PON1: variants seen among roughly 807,000 people sequenced by gnomAD.
PON1 encodes the protein paraoxonase 1.
PON1 carries 37 observed loss-of-function variants against 39.2 expected under a neutral mutation model. The ratio of observed to expected loss-of-function variants is 0.94; its 90% CI spans 0.73 to 1.24. The LOEUF (loss-of-function observed/expected upper bound fraction) is 1.24. PON1 is among the 50% of genes most tolerant of loss of function. The pLI, the probability that PON1 is intolerant of heterozygous loss-of-function variation, is 0.00. For synonymous variants in PON1, 148 were observed against 152.2 expected (o/e 0.97, Z 0.21); for missense variants, 397 against 413.5 (o/e 0.96, Z 0.35).
chr7:95,300,063 G>A (rs1807387768), intron 8 of PON1, among the ~76,000 whole-genome samples: 2 of 152,124 alleles, frequency 1.3e-5, no homozygotes, highest in African/African-American at 4.8e-5. Flanking sequence ...GTCTCTAAAT[G>A]TATAAGATTT....
intron 8 of PON1, among the ~76,000 whole-genome samples, chr7:95,299,969 T>G (rs1283037103): frequency 6.6e-6 from 1 of 152,142 alleles, no homozygotes; most frequent in Non-Finnish European, 1.5e-5. Flanking sequence ...TTCCTGGTTT[T>G]TAAAATGCAG....
At chr7:95,319,510 G>A (rs561474923) in intron 1 of PON1, among the ~76,000 whole-genome samples, 1 of 152,228 alleles carries the variant, frequency 6.6e-6, no homozygotes, top group South Asian at 2.1e-4. Flanking sequence ...TTGTCCCAAC[G>A]TATAACCAGA....
chr7:95,306,177 G>T, intron 7 of PON1, 108 bp downstream of exon 7: 1 of 927,022 alleles, frequency 1.1e-6, no homozygotes. Context: ...TGAAAAATTG[G>T]TTCTCACCCA....
In PON1 at chr7:95,305,131, A is replaced by C. The variant is rs546026671; in HGVS notation, c.780+1154T>G. The stretch of plus-strand genomic sequence containing the variant: ...GTTACATTTGATGTTGCTTTAAGGT[A>C]ATTTTCTCTGAGTGAGGCCCCTCAT... On this transcript the variant is annotated intron_variant, in intron 7 of 8. Transcript: ENST00000222381. 7.2e-5 allele frequency among the ~76,000 whole-genome samples: 11 copies of C among 152,268 alleles called. No individual in the cohort carries two copies. The South Asian group carries it at 2.3e-3, about 32-fold the overall frequency.
chr7:95,312,269 C>A (rs1413483793), intron 4 of PON1, among the ~76,000 whole-genome samples: 1 of 152,210 alleles, frequency 6.6e-6, no homozygotes, highest in African/African-American at 2.4e-5. Flanking sequence ...TCTCGGCTCA[C>A]TGCAACCTCC....
chr7:95,307,791 T>C (rs1401745736), intron 6 of PON1, among the ~76,000 whole-genome samples: 1 of 152,198 alleles, frequency 6.6e-6, no homozygotes, highest in African/African-American at 2.4e-5. Flanking sequence ...AAAATGTACT[T>C]TCTTTCCAAA....
chr7:95,324,428 G>C lies in PON1; in HGVS notation c.48C>G (p.Leu16=). Residue 16 remains leucine, a synonymous_variant, in exon 1 of 9, where the codon CTC becomes CTG. Transcript: ENST00000222381. The stretch of plus-strand genomic sequence containing the variant: ...GGTAAGAAGACTGGTGGTTCCTGAA[G>C]AGTGCCAGTCCCATCCCCAAGAGGG... ...ALTLLGMGLA[L]FRNHQSSYQT... 6.2e-7 allele frequency: 1 copy of C among 1,614,192 alleles called. No homozygotes were observed. Among genetic ancestry groups the C allele is most frequent in the East Asian group, 2.2e-5 (1 of 44,866 alleles).
chr7:95,311,484 T>C lies in PON1; in HGVS notation c.464A>G (p.His155Arg), dbSNP rs781071878. The C allele has an allele frequency of 8.2e-5, 132 of 1,614,042 alleles. No individual in the cohort carries two copies. The Admixed American group carries it at 2.1e-3, about 26-fold the overall frequency. ...KFQEEEKSLL[H>R]LKTIRHKLLP... ...AAGTTTATGTCTGATGGTTTTTAGA[T>C]GCAAAAGCGATTTTTCTTCTTCTTG... Residue 155 changes from histidine to arginine, a missense_variant, in exon 5 of 9, where the codon CAT becomes CGT. Transcript: ENST00000222381.
chr7:95,320,137 A>G (rs1807862748), intron 1 of PON1, among the ~76,000 whole-genome samples: 1 of 152,184 alleles, frequency 6.6e-6, no homozygotes, highest in African/African-American at 2.4e-5. Flanking sequence ...AGGACATAAA[A>G]TCACTGAATG....
chr7:95,303,067 C>T (rs1807467914), intron 7 of PON1, among the ~76,000 whole-genome samples: 1 of 152,168 alleles, frequency 6.6e-6, no homozygotes, highest in African/African-American at 2.4e-5. Flanking sequence ...ACCTCTAATT[C>T]TCAGTTGGAG....
intron 5 of PON1, among the ~76,000 whole-genome samples, chr7:95,308,560 T>C (rs1339454135): frequency 6.6e-6 from 1 of 151,890 alleles, no homozygotes; most frequent in Non-Finnish European, 1.5e-5. Flanking sequence ...AGAAATTAAA[T>C]TAAGCCAGAA....
At chr7:95,311,677 G>C in intron 4 of PON1, 100 bp from the exon 5 acceptor site, 2 of 1,235,970 alleles carry the variant, frequency 1.6e-6, no homozygotes, top group Non-Finnish European at 2.4e-6. Context: ...CTAGTAGTTA[G>C]GATGTCAGGC....
intron 1 of PON1, among the ~76,000 whole-genome samples, chr7:95,322,869 C>G (rs1035396230): frequency 6.6e-6 from 1 of 152,148 alleles, no homozygotes; most frequent in African/African-American, 2.4e-5. Context: ...CTTGAGGCAT[C>G]CCTTGTGTGC....
In PON1 at chr7:95,311,519, C is replaced by T; in HGVS notation, c.429G>A (p.Leu143=). Residue 143 remains leucine, a synonymous_variant, in exon 5 of 9, where the codon TTG becomes TTA. Transcript: ENST00000222381. ...ATTTTTCTTCTTCTTGAAATTTAAA[C>T]AACTCCACTGTGGACTTGGCATCTG... ...NHPDAKSTVE[L]FKFQEEEKSL... is the part of the protein sequence containing the mutation. 1 of 1,613,998 alleles carries T rather than the reference C, an allele frequency of 6.2e-7. No individual in the cohort carries two copies. The highest frequency in any genetic ancestry group is 1.7e-5 in the Admixed American group (1 of 60,018).
Position 95,311,579 on chromosome 7 carries a change from TGA to T in PON1, c.371-4_371-3del. The T allele has an allele frequency of 6.2e-7, 1 of 1,614,078 alleles. No individual in the cohort carries two copies. The highest frequency in any genetic ancestry group is 1.6e-4 in the Middle Eastern group (1 of 6,062). On this transcript the variant is annotated splice_polypyrimidine_tract_variant and splice_region_variant and intron_variant, in intron 4 of 8. Transcript: ENST00000222381. ...CCACCAGGAGGTACATGGCATTATC[TGA>T]GAGGAGATTAAAAACAAAAATGAAA...
chr7:95,323,097 T>C (rs764133706), intron 1 of PON1, among the ~76,000 whole-genome samples: 1 of 152,114 alleles, frequency 6.6e-6, no homozygotes, highest in Non-Finnish European at 1.5e-5. Flanking sequence ...TCTGATTCAA[T>C]AGTGTGGGGT....
At chr7:95,316,616 A>G in intron 3 of PON1, 118 bp downstream of exon 3, 3 of 873,878 alleles carry the variant, frequency 3.4e-6, no homozygotes, top group Middle Eastern at 2.2e-4. Context: ...CTTTTAAACC[A>G]TGACTGTTCA....
At chr7:95,303,866 G>A (rs1807484641) in intron 7 of PON1, among the ~76,000 whole-genome samples, 1 of 152,166 alleles carries the variant, frequency 6.6e-6, no homozygotes, top group South Asian at 2.1e-4. Flanking sequence ...AGTATTCTCT[G>A]TTAACAAATA....
intron 2 of PON1, among the ~76,000 whole-genome samples, 182 bp from the exon 3 acceptor site, chr7:95,316,971 T>C (rs930874902): frequency 2.0e-5 from 3 of 152,234 alleles, no homozygotes; most frequent in Non-Finnish European, 4.4e-5. Context: ...ATTAAAAATA[T>C]ATTAATTCAT....
Sources: allele counts gnomAD v4.1 joint callset (sites outside exome capture counted in the v4.1 genomes callset), GRCh38; gene constraint gnomAD v4.1.1; transcripts MANE v1.5; gene names NCBI Gene and HGNC (gene_info 2026-07-23, HGNC 2026-07-21).